Variants in FGF7 observed in about 807,000 individuals in gnomAD.
The protein encoded by FGF7 is fibroblast growth factor 7.
A neutral mutation model predicts 20.5 loss-of-function variants in FGF7; 6 were observed. The observed-to-expected ratio is 0.29, with a 90% CI of 0.16 to 0.58. FGF7 has a LOEUF of 0.58. FGF7 is among the 20% of genes least tolerant of loss of function. The pLI, the probability that FGF7 is intolerant of heterozygous loss-of-function variation, is 0.90. For synonymous variants in FGF7, 64 were observed against 74.7 expected (o/e 0.86, Z 0.74); for missense variants, 144 against 228.8 (o/e 0.63, Z 2.39).
intron 2 of FGF7, among the ~76,000 whole-genome samples, chr15:49,443,901 T>C (rs554167363): frequency 1.4e-5 from 2 of 145,694 alleles, no homozygotes; most frequent in South Asian, 4.4e-4. Flanking sequence ...TGCATATATA[T>C]GTACACTTTT....
At chr15:49,429,317 G>A (rs531839652) in intron 2 of FGF7, among the ~76,000 whole-genome samples, 3 of 152,024 alleles carry the variant, frequency 2.0e-5, no homozygotes, top group South Asian at 4.1e-4. Context: ...TAAACTGCTG[G>A]GGAGCAGATT....
At position 49,485,722 on chromosome 15, in the gene FGF7, T is replaced by C. The variant is rs2056351407; in HGVS notation, c.*1218T>C. 1.3e-5 allele frequency: 2 copies of C among 152,612 alleles called. No individual in the cohort carries two copies. The highest frequency in any genetic ancestry group is 4.1e-4 in the South Asian group (2 of 4,826). The allele number at this position is 152,612 out of a possible 1,614,324, so 9.5% of individuals were successfully genotyped here. A position where few individuals can be genotyped will look rare whatever the true frequency, so the allele number is the denominator to read the frequency against. ...ATCTTTCACCACATATTCTTGCCAA[T>C]TAATTGGATCATATAAGTAAAATCA... On this transcript the variant is annotated 3_prime_UTR_variant, in exon 4 of 4. Transcript: ENST00000267843.
intron 2 of FGF7, among the ~76,000 whole-genome samples, chr15:49,467,846 A>G (rs1190930327): frequency 1.3e-5 from 2 of 152,180 alleles, no homozygotes; most frequent in Non-Finnish European, 1.5e-5. Flanking sequence ...CTGAGAGGCC[A>G]TAAATGATAA....
At chr15:49,436,586 C>G (rs2051126190) in intron 2 of FGF7, among the ~76,000 whole-genome samples, 1 of 151,482 alleles carries the variant, frequency 6.6e-6, no homozygotes, top group Non-Finnish European at 1.5e-5. Flanking sequence ...GTGTTAAACA[C>G]TTTATATACA....
intron 2 of FGF7, among the ~76,000 whole-genome samples, chr15:49,427,697 C>A (rs918190261): frequency 6.6e-6 from 1 of 151,956 alleles, no homozygotes; most frequent in African/African-American, 2.4e-5. Context: ...ACTCACTTCA[C>A]CAGCAGAAGC....
intron 2 of FGF7, among the ~76,000 whole-genome samples, chr15:49,447,390 C>T (rs2052321844): frequency 6.6e-6 from 1 of 151,522 alleles, no homozygotes; most frequent in Admixed American, 6.6e-5. Context: ...GATCACAGAG[C>T]TAGTTAGTGA....
chr15:49,480,289 T>G (rs1355755530), intron 2 of FGF7, among the ~76,000 whole-genome samples: 1 of 152,088 alleles, frequency 6.6e-6, no homozygotes, highest in Non-Finnish European at 1.5e-5. Context: ...TTAAAAATGT[T>G]CATCACCTTA....
At position 49,424,346 on chromosome 15, in the gene FGF7, T is replaced by A; in HGVS notation, c.49T>A (p.Ser17Thr). The change falls in exon 2 of 4, where the codon TCA becomes ACA. Residue 17 changes from serine (S) to threonine (T), a missense_variant. Physicochemically the swap from Ser to Thr is moderately conservative, Grantham distance 58. Coordinates refer to ENST00000267843, the MANE Select transcript of FGF7 (RefSeq NM_002009.4). ...GATCCTGCCAACTTTGCTCTACAGA[T>A]CATGCTTTCACATTATCTGTCTAGT... Reference protein sequence around the residue: ...TWILPTLLYRSCFHIICLVGT... With the variant: ...TWILPTLLYRTCFHIICLVGT... 6.2e-7 allele frequency: 1 copy of A among 1,613,670 alleles called. No homozygotes were observed. Among genetic ancestry groups the A allele is most frequent in the Non-Finnish European group, 8.5e-7 (1 of 1,179,698 alleles).
At chr15:49,449,284 A>T (rs1002869251) in intron 2 of FGF7, among the ~76,000 whole-genome samples, 8 of 152,190 alleles carry the variant, frequency 5.3e-5, no homozygotes, top group Non-Finnish European at 1.0e-4. Flanking sequence ...TCATGAAATC[A>T]ATCTAAAATA....
In FGF7 at chr15:49,456,509, T is replaced by C. The variant is rs188657901; in HGVS notation, c.287-26642T>C. Among the ~76,000 whole-genome samples, 9 of 152,250 alleles carry C rather than the reference T, an allele frequency of 5.9e-5. No homozygotes were observed. In the Middle Eastern group the frequency reaches 0.01, roughly 173 times the overall value. Reference sequence around the variant, plus strand: ...TTCCATTTATTCAATAAATTCAGCATTTCTACTATATGCAAGCATTCAACT... The same window carrying C: ...TTCCATTTATTCAATAAATTCAGCACTTCTACTATATGCAAGCATTCAACT... On this transcript the variant is annotated intron_variant, in intron 2 of 3. Transcript: ENST00000267843.
chr15:49,468,297 A>G (rs958325779), intron 2 of FGF7, among the ~76,000 whole-genome samples: 1 of 152,144 alleles, frequency 6.6e-6, no homozygotes, highest in African/African-American at 2.4e-5. Flanking sequence ...TTTCAGTTAT[A>G]CTTGATACCA....
intron 2 of FGF7, among the ~76,000 whole-genome samples, chr15:49,458,593 C>T (rs1174069044): frequency 6.6e-6 from 1 of 152,026 alleles, no homozygotes; most frequent in Non-Finnish European, 1.5e-5. Context: ...TTGCCAAGCT[C>T]TTGTCTTTAT....
At chr15:49,441,982 G>A (rs183862075) in intron 2 of FGF7, among the ~76,000 whole-genome samples, 4 of 151,162 alleles carry the variant, frequency 2.6e-5, no homozygotes, top group East Asian at 2.0e-4. Context: ...CCTTGAGGGC[G>A]GGGAACTTTT....
rs1262541136 is a variant in FGF7 at position 49,486,356 on chromosome 15, C to T, written c.*1852C>T. On this transcript the variant is annotated 3_prime_UTR_variant, in exon 4 of 4. Transcript: ENST00000267843. ...GCATGAATGGTATTCTGAACTATCA[C>T]CTGATTCAAGGACTTTGCTAGCTAG... 2.0e-5 allele frequency: 3 copies of T among 151,944 alleles called. No homozygotes were observed. Among genetic ancestry groups the T allele is most frequent in the Admixed American group, 6.6e-5 (1 of 15,220 alleles). The allele number at this position is 151,944 out of a possible 1,614,324, so 9.4% of individuals were successfully genotyped here.
At chr15:49,480,302 T>TTTAC (rs1385485755) in intron 2 of FGF7, among the ~76,000 whole-genome samples, 1 of 151,954 alleles carries the variant, frequency 6.6e-6, no homozygotes, top group Non-Finnish European at 1.5e-5. Context: ...TCACCTTATT[T>TTTAC]TTATTTATTT....
intron 2 of FGF7, among the ~76,000 whole-genome samples, chr15:49,458,017 T>C: frequency 6.6e-6 from 1 of 151,960 alleles, no homozygotes; most frequent in Non-Finnish European, 1.5e-5. Flanking sequence ...AGCACAATAT[T>C]CACTTTATAG....
chr15:49,449,443 TA>T (rs1460716714), intron 2 of FGF7, among the ~76,000 whole-genome samples: 2 of 152,006 alleles, frequency 1.3e-5, no homozygotes, highest in African/African-American at 4.8e-5. Flanking sequence ...CCATTACACT[TA>T]AACATGATTT....
chr15:49,440,960 C>CA lies in FGF7; in HGVS notation c.286+16379dup, dbSNP rs1380017757. The stretch of plus-strand genomic sequence containing the variant: ...TGGAAAAAACTGTAACAAGAAAACT[C>CA]AACCTGCTTACTGCTTAGAGATTCA... On this transcript the variant is annotated intron_variant, in intron 2 of 3. Coordinates refer to ENST00000267843, the MANE Select transcript of FGF7 (RefSeq NM_002009.4). Among the ~76,000 whole-genome samples the CA allele has an allele frequency of 2.0e-5, 3 of 151,912 alleles. No homozygotes were observed. In the East Asian group the frequency reaches 5.8e-4, roughly 30 times the overall value.
At position 49,487,960 on chromosome 15, in the gene FGF7, A is replaced by G. The variant is rs919260676; in HGVS notation, c.*3456A>G. 2 of 151,950 alleles carry G rather than the reference A, an allele frequency of 1.3e-5. No homozygotes were observed. The highest frequency in any genetic ancestry group is 2.9e-5 in the Non-Finnish European group (2 of 67,920). 9.4% of individuals were successfully genotyped at this position (151,950 alleles called of 1,614,324 possible). ...CACAAAAGATTATTTGCCTCCCATA[A>G]TCCAACTTTACACATAAATAACACA... On this transcript the variant is annotated 3_prime_UTR_variant, in exon 4 of 4. Coordinates refer to ENST00000267843, the MANE Select transcript of FGF7 (RefSeq NM_002009.4).
Sources: gnomAD v4.1 joint callset for allele counts (sites outside exome capture counted in the v4.1 genomes callset) on GRCh38, gnomAD v4.1.1 for gene constraint, MANE v1.5 for transcripts, NCBI Gene and HGNC (gene_info 2026-07-23, HGNC 2026-07-21) for gene names.